The following CSMD2 variants were observed in gnomAD, a reference collection of about 807,000 sequenced individuals.
CSMD2 encodes the protein CUB and sushi domain-containing protein 2.
Under a neutral mutation model 398.5 loss-of-function variants are expected in CSMD2, and 130 were observed. That is an observed-to-expected ratio of 0.33 (90% CI 0.28 to 0.38). The LOEUF (loss-of-function observed/expected upper bound fraction) is 0.38. Ranked by LOEUF, CSMD2 falls within the 10% of genes least tolerant of loss-of-function variation. The pLI is 1.00. For synonymous variants in CSMD2, 1,828 were observed against 1,908.5 expected (o/e 0.96, Z 1.10); for missense variants, 3,829 against 4,764.9 (o/e 0.80, Z 5.78).
At chr1:33,694,011 A>G (rs774159763) in intron 24 of CSMD2, among the ~76,000 whole-genome samples, 3 of 152,192 alleles carry the variant, frequency 2.0e-5, no homozygotes, top group Non-Finnish European at 4.4e-5. Flanking sequence ...GTGAACCGAG[A>G]TCGCACCATT....
chr1:33,784,647 A>G (rs1653292969), intron 12 of CSMD2, among the ~76,000 whole-genome samples: 1 of 152,058 alleles, frequency 6.6e-6, no homozygotes. Context: ...CTAGGTGGGG[A>G]GTGCTGGTGT....
intron 5 of CSMD2, among the ~76,000 whole-genome samples, chr1:33,898,001 A>C (rs1325600094): frequency 6.6e-6 from 1 of 152,144 alleles, no homozygotes; most frequent in Admixed American, 6.5e-5. Flanking sequence ...TCACTTTGTA[A>C]TATTGCCCCA....
At chr1:33,606,871 G>C (rs1044464993) in intron 41 of CSMD2, among the ~76,000 whole-genome samples, 1 of 152,194 alleles carries the variant, frequency 6.6e-6, no homozygotes, top group African/African-American at 2.4e-5. Flanking sequence ...AAACCTCAGA[G>C]CCTGTTCCCC....
At chr1:33,595,939 T>C (rs952669497) in intron 44 of CSMD2, among the ~76,000 whole-genome samples, 3 of 152,224 alleles carry the variant, frequency 2.0e-5, no homozygotes, top group African/African-American at 7.2e-5. Context: ...AACACACATG[T>C]ACTCAAACAT....
intron 15 of CSMD2, among the ~76,000 whole-genome samples, chr1:33,731,287 A>G (rs887983084): frequency 7.2e-5 from 11 of 152,172 alleles, no homozygotes; most frequent in Non-Finnish European, 1.3e-4. Context: ...GTTTTCTTTA[A>G]GTGTAGCATT....
intron 13 of CSMD2, among the ~76,000 whole-genome samples, chr1:33,759,586 A>T (rs1388686665): frequency 6.6e-6 from 1 of 151,946 alleles, no homozygotes; most frequent in Admixed American, 6.6e-5. Flanking sequence ...TGGCCTCCCA[A>T]AGTGCTGGGA....
chr1:33,788,572 G>T, intron 12 of CSMD2, 28 bp downstream of exon 12: 1 of 1,250,664 alleles, frequency 8.0e-7, no homozygotes, highest in Non-Finnish European at 1.2e-6. Context: ...CCAGGACACA[G>T]TTCATCTGGC....
intron 49 of CSMD2, among the ~76,000 whole-genome samples, chr1:33,573,509 GA>G (rs1045011316): frequency 1.5e-5 from 2 of 131,440 alleles, no homozygotes; most frequent in Non-Finnish European, 3.3e-5. Context: ...TGCTCTGAAG[GA>G]AAAAAAAACA....
At chr1:34,142,124 T>G (rs1008291372) in intron 1 of CSMD2, among the ~76,000 whole-genome samples, 14 of 152,158 alleles carry the variant, frequency 9.2e-5, no homozygotes, top group African/African-American at 3.4e-4. Flanking sequence ...GTTTGCTGCA[T>G]GTGTGAGTCA....
chr1:33,946,647 C>T (rs1432271365), intron 3 of CSMD2, among the ~76,000 whole-genome samples: 2 of 149,284 alleles, frequency 1.3e-5, no homozygotes, highest in East Asian at 3.9e-4. Flanking sequence ...GAGACGGAGT[C>T]TTACTCTGTC....
At chr1:33,902,628 C>T (rs571618806) in intron 5 of CSMD2, among the ~76,000 whole-genome samples, 7 of 152,202 alleles carry the variant, frequency 4.6e-5, no homozygotes, top group Middle Eastern at 3.4e-3. Flanking sequence ...TTTTCTGGCC[C>T]GGAGATTAAT....
rs114637661 is a variant in CSMD2, at chr1:33,591,880, C to G, written c.6857-4712G>C. On this transcript the variant is annotated intron_variant, in intron 44 of 70. Coordinates refer to ENST00000373381, the MANE Select transcript of CSMD2 (RefSeq NM_001281956.2). Reference sequence around the variant, plus strand: ...TTGTAATGACTGTATCTTTCCCTATCTCTCTCTCTCTGAGTATACACTTTA... The same window carrying G: ...TTGTAATGACTGTATCTTTCCCTATGTCTCTCTCTCTGAGTATACACTTTA... 7.8e-3 allele frequency: 1,204 copies of G among 154,706 alleles called. 14 individuals carry two copies. Among genetic ancestry groups the G allele is most frequent in the African/African-American group, 0.028 (1,157 of 41,388 alleles). 9.6% of individuals were successfully genotyped at this position (154,706 alleles called of 1,614,324 possible).
chr1:33,635,203 A>G lies in CSMD2; in HGVS notation c.5086+11T>C, dbSNP rs1363619771. 4 of 1,562,358 alleles carry G rather than the reference A, an allele frequency of 2.6e-6. No homozygotes were observed. The South Asian group carries it at 3.4e-5, about 13-fold the overall frequency. ...AGAAAACATATGAACAACAACAACC[A>G]AAACCCATACCATAGTCCTTGGGCA... On this transcript the variant is annotated intron_variant, in intron 31 of 70. Transcript: ENST00000373381. This position sits in a 1 kb window ranked among gnomAD's most constrained non-coding sequence, Gnocchi z 5.0.
Position 33,559,831 on chromosome 1 carries a change from C to T in CSMD2, c.8381-358G>A, listed in dbSNP as rs1658380519. On this transcript the variant is annotated intron_variant, in intron 53 of 70. Transcript: ENST00000373381. This position sits in a 1 kb window ranked among gnomAD's most constrained non-coding sequence, Gnocchi z 4.0. ...CTTAATTGCTGGGTATACTGATGGC[C>T]AACTGTCAGCTGGTTTAGGCCCATC... Among the ~76,000 whole-genome samples the T allele has an allele frequency of 6.6e-6, 1 of 152,046 alleles. No homozygotes were observed. Among genetic ancestry groups the T allele is most frequent in the African/African-American group, 2.4e-5 (1 of 41,398 alleles).
intron 3 of CSMD2, among the ~76,000 whole-genome samples, chr1:33,950,923 G>A (rs1431404846): frequency 6.6e-6 from 1 of 152,192 alleles, no homozygotes; most frequent in Admixed American, 6.5e-5. Flanking sequence ...TTCCACCATG[G>A]TGATTGTTCA....
Position 33,600,052 on chromosome 1 carries a change from T to C in CSMD2, c.6856+813A>G, listed in dbSNP as rs1008386434. The C allele has an allele frequency of 1.4e-5, 9 of 648,050 alleles. No individual in the cohort carries two copies. The African/African-American group carries it at 1.7e-4, about 12-fold the overall frequency. The allele number at this position is 648,050 out of a possible 1,614,324, so 40.1% of individuals were successfully genotyped here. A position where few individuals can be genotyped will look rare whatever the true frequency, so the allele number is the denominator to read the frequency against. ...ATTTCTTCATTTGTAAAGTGGGGGT[T>C]AGAATATTTGCCTTACTACCTCACA... On this transcript the variant is annotated intron_variant, in intron 44 of 70. Transcript: ENST00000373381.
intron 19 of CSMD2, among the ~76,000 whole-genome samples, chr1:33,720,780 C>A (rs1210101834): frequency 6.6e-6 from 1 of 152,220 alleles, no homozygotes; most frequent in Admixed American, 6.5e-5. Flanking sequence ...TCACCGCAAC[C>A]TCTGCCTCCT....
At chr1:34,036,199 A>G (rs1651105918) in intron 2 of CSMD2, among the ~76,000 whole-genome samples, 1 of 152,180 alleles carries the variant, frequency 6.6e-6, no homozygotes, top group African/African-American at 2.4e-5. Flanking sequence ...AGGCCCAAAA[A>G]CCTATGCATA....
At chr1:34,075,154 G>C (rs1446240652) in intron 2 of CSMD2, among the ~76,000 whole-genome samples, 1 of 152,202 alleles carries the variant, frequency 6.6e-6, no homozygotes, top group Non-Finnish European at 1.5e-5. Context: ...ATGGTGGCTG[G>C]AACATAATAG....
Sources: allele counts gnomAD v4.1 joint callset (sites outside exome capture counted in the v4.1 genomes callset), GRCh38; gene constraint gnomAD v4.1.1; non-coding constraint Gnocchi (gnomAD v3.1); transcripts MANE v1.5; gene names NCBI Gene and HGNC (gene_info 2026-07-23, HGNC 2026-07-21).